HS6ST3: variants seen among roughly 807,000 people sequenced by gnomAD.
HS6ST3 encodes heparan-sulfate 6-O-sulfotransferase 3.
HS6ST3 carries 12 observed loss-of-function variants against 36.7 expected under a neutral mutation model. The observed-to-expected ratio is 0.33, with a 90% CI of 0.21 to 0.53. The LOEUF (loss-of-function observed/expected upper bound fraction) is 0.53, where lower values mean the gene tolerates loss of function less well. Among genes scored for constraint, HS6ST3 ranks in the 20% least tolerant of loss-of-function variants. The pLI is 0.95. For synonymous variants in HS6ST3, 240 were observed against 257.5 expected (o/e 0.93, Z 0.65); for missense variants, 584 against 640.9 (o/e 0.91, Z 0.96).
At chr13:96,821,237 T>C (rs928186534) in intron 1 of HS6ST3, among the ~76,000 whole-genome samples, 2 of 152,238 alleles carry the variant, frequency 1.3e-5, no homozygotes, top group Non-Finnish European at 2.9e-5. Flanking sequence ...TTCCTTCTGC[T>C]TCCTGTCCAT....
At chr13:96,788,249 G>T (rs1229107719) in intron 1 of HS6ST3, among the ~76,000 whole-genome samples, 1 of 151,726 alleles carries the variant, frequency 6.6e-6, no homozygotes, top group African/African-American at 2.4e-5. Context: ...AATTTTAGTG[G>T]CAACTTACCT....
At chr13:96,685,715 A>G (rs1874756714) in intron 1 of HS6ST3, among the ~76,000 whole-genome samples, 1 of 152,048 alleles carries the variant, frequency 6.6e-6, no homozygotes, top group South Asian at 2.1e-4. Flanking sequence ...GAGATAAAAT[A>G]TATTCTCTTA....
intron 1 of HS6ST3, among the ~76,000 whole-genome samples, chr13:96,759,954 T>C (rs1284248138): frequency 6.6e-6 from 1 of 152,076 alleles, no homozygotes; most frequent in Non-Finnish European, 1.5e-5. Flanking sequence ...CCAGCTTTAG[T>C]GTTTGCCTTC....
At position 96,181,748 on chromosome 13, in the gene HS6ST3, G is replaced by A. The variant is rs373677620; in HGVS notation, c.707+90179G>A. Among the ~76,000 whole-genome samples the A allele has an allele frequency of 9.9e-5, 15 of 152,262 alleles. No individual in the cohort carries two copies. The South Asian group carries it at 1.5e-3, about 15-fold the overall frequency. Reference sequence around the variant, plus strand: ...CCTCTTGAGATCTTTTAGATTGAGCGTATTTGGGAGTTGGCTAGAACCCCC... The same window carrying A: ...CCTCTTGAGATCTTTTAGATTGAGCATATTTGGGAGTTGGCTAGAACCCCC... On this transcript the variant is annotated intron_variant, in intron 1 of 1. Coordinates refer to ENST00000376705, the MANE Select transcript of HS6ST3 (RefSeq NM_153456.4).
chr13:96,586,302 CTT>C (rs879891056), intron 1 of HS6ST3, among the ~76,000 whole-genome samples: 1 of 146,634 alleles, frequency 6.8e-6, no homozygotes, highest in Admixed American at 6.8e-5. Context: ...ATTTCAATGT[CTT>C]TTTTTTTTTA....
intron 1 of HS6ST3, among the ~76,000 whole-genome samples, chr13:96,309,146 T>A (rs2054928138): frequency 6.6e-6 from 1 of 152,166 alleles, no homozygotes; most frequent in South Asian, 2.1e-4. Context: ...CGGGATCCCA[T>A]GGTACTTGCA....
At chr13:96,791,698 T>A (rs1877797412) in intron 1 of HS6ST3, among the ~76,000 whole-genome samples, 1 of 152,076 alleles carries the variant, frequency 6.6e-6, no homozygotes, top group Admixed American at 6.6e-5. Flanking sequence ...GTTCACCTCT[T>A]CCTTTGTTTG....
intron 1 of HS6ST3, among the ~76,000 whole-genome samples, chr13:96,522,314 A>T (rs1156546891): frequency 6.6e-6 from 1 of 152,194 alleles, no homozygotes; most frequent in Non-Finnish European, 1.5e-5. Flanking sequence ...TGCTGAGAAG[A>T]ACGTATATTC....
At chr13:96,714,965 G>C (rs7992668) in intron 1 of HS6ST3, among the ~76,000 whole-genome samples, 43,849 of 151,826 alleles carry the variant, frequency 0.29, 7,436 homozygotes, top group African/African-American at 0.47. Context: ...TTGTGGCCTC[G>C]TAACAGCACT....
intron 1 of HS6ST3, among the ~76,000 whole-genome samples, chr13:96,762,891 C>T (rs1224888901): frequency 6.6e-6 from 1 of 152,186 alleles, no homozygotes; most frequent in Non-Finnish European, 1.5e-5. Flanking sequence ...CATTGGTCTC[C>T]TCTCCTCTTT....
At chr13:96,654,742 T>G (rs1222234755) in intron 1 of HS6ST3, among the ~76,000 whole-genome samples, 1 of 152,142 alleles carries the variant, frequency 6.6e-6, no homozygotes, top group African/African-American at 2.4e-5. Context: ...ATTTTTAATT[T>G]TTTTAAACTA....
At chr13:96,235,849 G>T (rs2054532068) in intron 1 of HS6ST3, among the ~76,000 whole-genome samples, 1 of 152,066 alleles carries the variant, frequency 6.6e-6, no homozygotes, top group Non-Finnish European at 1.5e-5. Context: ...GAACTAATAG[G>T]CTACATGTAT....
intron 1 of HS6ST3, among the ~76,000 whole-genome samples, chr13:96,236,838 T>C (rs866218147): frequency 2.0e-5 from 3 of 152,336 alleles, no homozygotes; most frequent in Middle Eastern, 6.8e-3. Context: ...TTAGACCTCT[T>C]CTTCCCACTT....
At chr13:96,179,919 T>A (rs1310857087) in intron 1 of HS6ST3, among the ~76,000 whole-genome samples, 3 of 152,090 alleles carry the variant, frequency 2.0e-5, no homozygotes, top group Non-Finnish European at 4.4e-5. Context: ...AACCTCTGCC[T>A]CCCAGGTTCA....
intron 1 of HS6ST3, among the ~76,000 whole-genome samples, chr13:96,397,304 T>C (rs542062500): frequency 3.3e-5 from 5 of 152,368 alleles, no homozygotes; most frequent in Admixed American, 2.0e-4. Context: ...TTATTAAATA[T>C]GACTTAGCAT....
At chr13:96,681,553 A>G (rs961994398) in intron 1 of HS6ST3, among the ~76,000 whole-genome samples, 3 of 152,164 alleles carry the variant, frequency 2.0e-5, no homozygotes, top group African/African-American at 7.2e-5. Context: ...AAGGTCCTTA[A>G]TTAATGAAAT....
intron 1 of HS6ST3, among the ~76,000 whole-genome samples, chr13:96,259,766 CTGT>C (rs1234720882): frequency 6.6e-6 from 1 of 152,032 alleles, no homozygotes; most frequent in Non-Finnish European, 1.5e-5. Flanking sequence ...CTTTTTCTAC[CTGT>C]TGTTGTTTAA....
At chr13:96,310,801 T>C (rs1335120448) in intron 1 of HS6ST3, among the ~76,000 whole-genome samples, 2 of 152,190 alleles carry the variant, frequency 1.3e-5, no homozygotes, top group Non-Finnish European at 2.9e-5. Flanking sequence ...CTTCTCTTTT[T>C]CAGTGCTACC....
chr13:96,715,586 T>G (rs1875674957), intron 1 of HS6ST3, among the ~76,000 whole-genome samples: 1 of 152,156 alleles, frequency 6.6e-6, no homozygotes, highest in Non-Finnish European at 1.5e-5. Context: ...TTTCATTTTT[T>G]GTACCACTTC....
Sources: gnomAD v4.1 joint callset for allele counts (sites outside exome capture counted in the v4.1 genomes callset) on GRCh38, gnomAD v4.1.1 for gene constraint, MANE v1.5 for transcripts, NCBI Gene and HGNC (gene_info 2026-07-23, HGNC 2026-07-21) for gene names.